TMEM132B: variants seen among roughly 807,000 people sequenced by gnomAD.
TMEM132B encodes the protein transmembrane protein 132B.
Under a neutral mutation model 90.8 loss-of-function variants are expected in TMEM132B, and 18 were observed. The observed-to-expected ratio is 0.20, with a 90% CI of 0.14 to 0.29. TMEM132B has a LOEUF of 0.29. TMEM132B is among the 10% of genes least tolerant of loss of function. The probability of loss-of-function intolerance (pLI) is 1.00; values close to 1 mark genes in which losing one functional copy is unlikely to be tolerated. For missense variants in TMEM132B, 1,096 were observed against 1,326.8 expected, an observed-to-expected ratio of 0.83 and a Z score of 2.70; for synonymous variants, 504 against 523.3, an observed-to-expected ratio of 0.96 and a Z score of 0.50.
chr12:125,575,893 A>G (rs575373479), intron 4 of TMEM132B, among the ~76,000 whole-genome samples: 1 of 152,194 alleles, frequency 6.6e-6, no homozygotes, highest in South Asian at 2.1e-4. Context: ...TTATTTCTGG[A>G]AAGTCAATTC....
chr12:125,614,860 G>A (rs1039921484), intron 5 of TMEM132B, among the ~76,000 whole-genome samples: 4 of 152,108 alleles, frequency 2.6e-5, no homozygotes, highest in Non-Finnish European at 5.9e-5. Flanking sequence ...CTTGTAAGGT[G>A]GGGCTGCTAG....
At chr12:125,270,753 C>G (rs1279245737) in intron 1 of TMEM132B, among the ~76,000 whole-genome samples, 1 of 123,784 alleles carries the variant, frequency 8.1e-6, no homozygotes, top group African/African-American at 3.2e-5. Context: ...TGGTTTTGAG[C>G]TGAACAGGCT....
chr12:125,282,434 A>G (rs1215358258), intron 1 of TMEM132B, among the ~76,000 whole-genome samples: 1 of 152,070 alleles, frequency 6.6e-6, no homozygotes, highest in African/African-American at 2.4e-5. Flanking sequence ...ACCATTCCAC[A>G]ACCAAAGGAT....
At chr12:125,570,076 C>T (rs1005475984) in intron 4 of TMEM132B, among the ~76,000 whole-genome samples, 2 of 152,026 alleles carry the variant, frequency 1.3e-5, no homozygotes, top group African/African-American at 2.4e-5. Context: ...ATGGTTTTAC[C>T]TGCATTCGGC....
At chr12:125,531,919 C>T (rs539339373) in intron 4 of TMEM132B, among the ~76,000 whole-genome samples, 19 of 152,334 alleles carry the variant, frequency 1.2e-4, no homozygotes, top group South Asian at 6.2e-4. Context: ...GCTCTCCTGG[C>T]GCTGCAAGCC....
At chr12:125,601,143 C>T (rs1885560406) in intron 5 of TMEM132B, among the ~76,000 whole-genome samples, 1 of 152,192 alleles carries the variant, frequency 6.6e-6, no homozygotes, top group African/African-American at 2.4e-5. Context: ...GAACTCTCCA[C>T]CCCAAATCAA....
Position 125,490,701 on chromosome 12 carries a change from C to T in TMEM132B, c.1107-28738C>T, listed in dbSNP as rs1252201248. ...TAGGATGGTCTCGATCTCCTGACCT[C>T]GTGATCCGCCCGTCTTGGCCTCCCA... On this transcript the variant is annotated intron_variant, in intron 3 of 8. Transcript: ENST00000682704. This position sits in a 1 kb window ranked among gnomAD's most constrained non-coding sequence, Gnocchi z 4.2. 2.6e-5 allele frequency among the ~76,000 whole-genome samples: 4 copies of T among 152,072 alleles called. No individual in the cohort carries two copies. Among genetic ancestry groups the T allele is most frequent in the Non-Finnish European group, 4.4e-5 (3 of 68,012 alleles).
intron 2 of TMEM132B, among the ~76,000 whole-genome samples, chr12:125,377,276 G>A (rs752050533): frequency 2.0e-5 from 3 of 152,172 alleles, no homozygotes; most frequent in Middle Eastern, 3.2e-3. Context: ...GAGACAGCAG[G>A]GACTTATCCT....
rs1034366448 is a variant in TMEM132B at position 125,658,362 on chromosome 12, A to G, written c.*3652A>G. 88 of 152,348 alleles carry G rather than the reference A, an allele frequency of 5.8e-4. No homozygotes were observed. Among genetic ancestry groups the G allele is most frequent in the African/African-American group, 2.0e-3 (83 of 41,586 alleles). The allele number at this position is 152,348 out of a possible 1,614,324, so 9.4% of individuals were successfully genotyped here. The stretch of plus-strand genomic sequence containing the variant: ...ATTACTGGGATGTCGGGGCCCTGTC[A>G]GAGAACTATTATTAAGGCTCTGTGA... On this transcript the variant is annotated 3_prime_UTR_variant, in exon 9 of 9. Coordinates refer to ENST00000682704, the MANE Select transcript of TMEM132B (RefSeq NM_001366854.1).
rs1204826072 is a variant in TMEM132B at position 125,186,585 on chromosome 12, C to T, written c.-215C>T. ...CTGAGCCTCGGCCGCCCCAGCTCCC[C>T]AGCCACGCACGGCCGAGCCCAGGAG... On this transcript the variant is annotated 5_prime_UTR_variant, in exon 1 of 9. Transcript: ENST00000682704. This position sits in a 1 kb window ranked among gnomAD's most constrained non-coding sequence, Gnocchi z 6.3. Among the ~76,000 whole-genome samples, 1 of 146,828 alleles carries T rather than the reference C, an allele frequency of 6.8e-6. No homozygotes were observed. The highest frequency in any genetic ancestry group is 2.4e-5 in the African/African-American group (1 of 40,918).
At chr12:125,508,325 C>T (rs1287686193) in intron 3 of TMEM132B, among the ~76,000 whole-genome samples, 1 of 152,170 alleles carries the variant, frequency 6.6e-6, no homozygotes, top group East Asian at 1.9e-4. Context: ...AGGTCAGCCA[C>T]GAACAAAGCC....
At chr12:125,555,620 G>A (rs1023710577) in intron 4 of TMEM132B, among the ~76,000 whole-genome samples, 7 of 150,238 alleles carry the variant, frequency 4.7e-5, no homozygotes, top group South Asian at 2.1e-4. Context: ...TGTAAATGAC[G>A]AGTTAATGGG....
chr12:125,627,341 C>CT (rs981915698), intron 5 of TMEM132B, among the ~76,000 whole-genome samples: 3 of 151,676 alleles, frequency 2.0e-5, no homozygotes, highest in African/African-American at 2.4e-5. Flanking sequence ...TTTGTCTTGA[C>CT]TTTTGGTATG....
At chr12:125,320,645 GAA>G in intron 1 of TMEM132B, among the ~76,000 whole-genome samples, 1 of 152,076 alleles carries the variant, frequency 6.6e-6, no homozygotes, top group Non-Finnish European at 1.5e-5. Context: ...CCACAAGGGG[GAA>G]GCTGAGTCGA....
rs1360667792 is a variant in TMEM132B, at chr12:125,305,118, A to G, written c.68-44334A>G. Among the ~76,000 whole-genome samples, 3 of 152,182 alleles carry G rather than the reference A, an allele frequency of 2.0e-5. No homozygotes were observed. The East Asian group carries it at 5.8e-4, about 29-fold the overall frequency. On this transcript the variant is annotated intron_variant, in intron 1 of 8. Coordinates refer to ENST00000682704, the MANE Select transcript of TMEM132B (RefSeq NM_001366854.1). ...CCAGCTACTCTGAATATGTTGGTAC[A>G]CTTCTGAAGCCTTACAAATATCAGT...
At chr12:125,240,167 G>A (rs959845093) in intron 1 of TMEM132B, among the ~76,000 whole-genome samples, 6 of 152,230 alleles carry the variant, frequency 3.9e-5, no homozygotes, top group Middle Eastern at 3.4e-3. Flanking sequence ...AAACAACTCT[G>A]CTTCACCGAA....
intron 4 of TMEM132B, among the ~76,000 whole-genome samples, chr12:125,553,056 A>T (rs1034738938): frequency 6.6e-6 from 1 of 152,184 alleles, no homozygotes. Context: ...TAGATTTAGG[A>T]TTTTACTAGG....
chr12:125,429,981 T>C (rs554509933), intron 3 of TMEM132B, among the ~76,000 whole-genome samples: 2 of 152,290 alleles, frequency 1.3e-5, no homozygotes, highest in South Asian at 2.1e-4. Flanking sequence ...ACAGATGTAT[T>C]TGGAATTCTT....
chr12:125,450,530 C>G (rs1307876914), intron 3 of TMEM132B, among the ~76,000 whole-genome samples: 1 of 152,076 alleles, frequency 6.6e-6, no homozygotes, highest in African/African-American at 2.4e-5. Context: ...TTTTGGCTTT[C>G]TCTTGTGTAC....
Sources: allele counts gnomAD v4.1 joint callset (sites outside exome capture counted in the v4.1 genomes callset), GRCh38; gene constraint gnomAD v4.1.1; non-coding constraint Gnocchi (gnomAD v3.1); transcripts MANE v1.5; gene names NCBI Gene and HGNC (gene_info 2026-07-23, HGNC 2026-07-21).